The following TLN2 variants were observed in gnomAD, a reference collection of about 807,000 sequenced individuals.
TLN2 encodes the protein talin 2, also known as talin-2.
TLN2 carries 118 observed loss-of-function variants against 294.7 expected under a neutral mutation model. That is an observed-to-expected ratio of 0.40 (90% CI 0.34 to 0.47). The LOEUF (loss-of-function observed/expected upper bound fraction) is 0.47. Ranked by LOEUF, TLN2 falls within the 20% of genes least tolerant of loss-of-function variation. The probability of loss-of-function intolerance (pLI) is 0.84; values close to 1 mark genes in which losing one functional copy is unlikely to be tolerated. For synonymous variants in TLN2, 1,431 were observed against 1,304.5 expected, an observed-to-expected ratio of 1.10 and a Z score of -2.09; for missense variants, 3,083 against 3,282.2, an observed-to-expected ratio of 0.94 and a Z score of 1.48.
intron 48 of TLN2, among the ~76,000 whole-genome samples, chr15:62,800,095 T>C (rs2065822082): frequency 6.6e-6 from 1 of 152,224 alleles, no homozygotes; most frequent in East Asian, 1.9e-4. Flanking sequence ...ATCGGCCAAG[T>C]TGCTGGCTAG....
At chr15:62,414,191 T>TATATATAA (rs1379562270) in intron 1 of TLN2, among the ~76,000 whole-genome samples, 1 of 122,930 alleles carries the variant, frequency 8.1e-6, no homozygotes, top group South Asian at 3.5e-4. Flanking sequence ...TATATATATA[T>TATATATAA]AATTTGAGAA....
intron 1 of TLN2, among the ~76,000 whole-genome samples, chr15:62,554,388 G>A (rs1036926366): frequency 1.3e-5 from 2 of 149,860 alleles, no homozygotes; most frequent in Non-Finnish European, 3.0e-5. Context: ...TAGAATTTTG[G>A]TTGAGTTTTA....
intron 3 of TLN2, among the ~76,000 whole-genome samples, chr15:62,643,371 A>C (rs2051376905): frequency 6.9e-6 from 1 of 143,988 alleles, no homozygotes; most frequent in Non-Finnish European, 1.5e-5. Flanking sequence ...ACTCGTGTGC[A>C]GTGCTCTGTA....
intron 45 of TLN2, among the ~76,000 whole-genome samples, chr15:62,789,829 G>T (rs1427872776): frequency 6.6e-6 from 1 of 152,168 alleles, no homozygotes; most frequent in Non-Finnish European, 1.5e-5. Context: ...CTGCATGTTT[G>T]CCCCTAGTGT....
At chr15:62,576,413 C>A (rs2044403185) in intron 1 of TLN2, among the ~76,000 whole-genome samples, 1 of 152,006 alleles carries the variant, frequency 6.6e-6, no homozygotes, top group South Asian at 2.1e-4. Flanking sequence ...GCAGTGGACC[C>A]TCAGGGGTTG....
chr15:62,800,552 G>A (rs1490676530), intron 49 of TLN2, 59 bp downstream of exon 49: 3 of 1,610,754 alleles, frequency 1.9e-6, no homozygotes, highest in Non-Finnish European at 2.5e-6. Context: ...TTAAAGGAAG[G>A]AGAGGCGTCC....
chr15:62,469,165 T>C (rs191186828), intron 1 of TLN2, among the ~76,000 whole-genome samples: 3 of 152,348 alleles, frequency 2.0e-5, no homozygotes, highest in South Asian at 2.1e-4. Flanking sequence ...CAGAAGCTTC[T>C]TGACTAGAGT....
At chr15:62,438,615 A>G (rs981056163) in intron 1 of TLN2, among the ~76,000 whole-genome samples, 1 of 152,184 alleles carries the variant, frequency 6.6e-6, no homozygotes, top group Non-Finnish European at 1.5e-5. Context: ...GTAGGGAGGT[A>G]GGTGGGGCCA....
At chr15:62,631,479 T>TTTTC (rs370882260) in intron 3 of TLN2, among the ~76,000 whole-genome samples, 278 of 151,476 alleles carry the variant, frequency 1.8e-3, no homozygotes, top group Middle Eastern at 0.014. Context: ...TCTCTTCCTC[T>TTTTC]TTTCTTTCTT....
chr15:62,624,547 C>T (rs969539063), intron 3 of TLN2, among the ~76,000 whole-genome samples: 2 of 152,202 alleles, frequency 1.3e-5, no homozygotes, highest in Non-Finnish European at 2.9e-5. Flanking sequence ...ATAAGATTTT[C>T]TCTTTTAGGT....
rs1053817651 is a variant in TLN2 at position 62,653,849 on chromosome 15, A to T, written c.517+535A>T. ...ACATTTTCTTCATTATTGTCTAAAA[A>T]TTTTTTTAATAGTGTGAACTGGGAT... On this transcript the variant is annotated intron_variant, in intron 7 of 58. Transcript: ENST00000636159. Among the ~76,000 whole-genome samples, 4 of 152,292 alleles carry T rather than the reference A, an allele frequency of 2.6e-5. No individual in the cohort carries two copies. In the East Asian group the frequency reaches 5.8e-4, roughly 22 times the overall value.
At chr15:62,801,125 T>C (rs1237021251) in intron 50 of TLN2, among the ~76,000 whole-genome samples, 1 of 152,220 alleles carries the variant, frequency 6.6e-6, no homozygotes, top group Non-Finnish European at 1.5e-5. Context: ...GAACAGTGCT[T>C]AGCCTTTCTT....
chr15:62,492,481 G>A (rs112203433), intron 1 of TLN2, among the ~76,000 whole-genome samples: 20 of 151,368 alleles, frequency 1.3e-4, no homozygotes, highest in African/African-American at 3.9e-4. Flanking sequence ...GCCTGAATCC[G>A]GGAGGCAGAA....
intron 54 of TLN2, among the ~76,000 whole-genome samples, chr15:62,825,468 G>A (rs2067969119): frequency 6.6e-6 from 1 of 151,622 alleles, no homozygotes. Context: ...CAGGAAGGAG[G>A]AGGACAAATA....
intron 3 of TLN2, among the ~76,000 whole-genome samples, chr15:62,646,648 A>G (rs77677110): frequency 0.025 from 3,778 of 152,206 alleles, 153 homozygotes; most frequent in African/African-American, 0.085. Flanking sequence ...TTGGGATTCT[A>G]TTTTATGCAC....
intron 17 of TLN2, 85 bp downstream of exon 17, chr15:62,701,299 G>C: frequency 3.5e-6 from 4 of 1,129,066 alleles, no homozygotes; most frequent in Non-Finnish European, 5.0e-6. Flanking sequence ...TAAGTTATCT[G>C]TTGATTGAAA....
At chr15:62,435,303 A>G (rs541799409) in intron 1 of TLN2, among the ~76,000 whole-genome samples, 3 of 152,302 alleles carry the variant, frequency 2.0e-5, no homozygotes, top group Non-Finnish European at 2.9e-5. Context: ...TGCTGGGTCA[A>G]ATGGTATTTC....
chr15:62,685,431 C>T (rs970451739), intron 11 of TLN2, among the ~76,000 whole-genome samples: 1 of 152,128 alleles, frequency 6.6e-6, no homozygotes, highest in African/African-American at 2.4e-5. Context: ...CTATGATGTA[C>T]TGTGGTTGAG....
chr15:62,770,075 A>G (rs995212832), intron 41 of TLN2, among the ~76,000 whole-genome samples: 2 of 152,194 alleles, frequency 1.3e-5, no homozygotes, highest in Non-Finnish European at 2.9e-5. Flanking sequence ...GAAAGAGACC[A>G]CAGACTGTGG....
Sources: gnomAD v4.1 joint callset for allele counts (sites outside exome capture counted in the v4.1 genomes callset) on GRCh38, gnomAD v4.1.1 for gene constraint, MANE v1.5 for transcripts, NCBI Gene and HGNC (gene_info 2026-07-23, HGNC 2026-07-21) for gene names.